Variants in TOX2 observed in about 807,000 individuals in gnomAD.
TOX2 encodes granulosa cell HMG box 1.
TOX2 carries 15 observed loss-of-function variants against 47.4 expected under a neutral mutation model. That is an observed-to-expected ratio of 0.32 (90% CI 0.21 to 0.49). The LOEUF is 0.49. Among genes scored for constraint, TOX2 ranks in the 20% least tolerant of loss-of-function variants. The probability of loss-of-function intolerance (pLI) is 0.99; values close to 1 mark genes in which losing one functional copy is unlikely to be tolerated. For missense variants in TOX2, 622 were observed against 673.1 expected (o/e 0.92, Z 0.84); for synonymous variants, 290 against 296.6 (o/e 0.98, Z 0.23).
chr20:43,991,169 G>A (rs1219116595), intron 2 of TOX2, among the ~76,000 whole-genome samples: 2 of 152,204 alleles, frequency 1.3e-5, no homozygotes, highest in African/African-American at 4.8e-5. Context: ...CCTGTCAGAG[G>A]TAGGGGCTCA....
At chr20:43,917,338 G>T (rs1295444993) in intron 1 of TOX2, among the ~76,000 whole-genome samples, 1 of 152,128 alleles carries the variant, frequency 6.6e-6, no homozygotes, top group Non-Finnish European at 1.5e-5. Flanking sequence ...GGTTGGGGAG[G>T]GAAATGCCCA....
At chr20:44,041,576 C>T in intron 3 of TOX2, among the ~76,000 whole-genome samples, 1 of 152,124 alleles carries the variant, frequency 6.6e-6, no homozygotes, top group Non-Finnish European at 1.5e-5. Flanking sequence ...CTGTGAGACC[C>T]TGAAGTGCGG....
At chr20:43,926,381 G>C (rs992580646) in intron 1 of TOX2, among the ~76,000 whole-genome samples, 1 of 152,094 alleles carries the variant, frequency 6.6e-6, no homozygotes, top group Non-Finnish European at 1.5e-5. Flanking sequence ...GAAGTGCCTG[G>C]GTTCGTATCC....
intron 1 of TOX2, among the ~76,000 whole-genome samples, chr20:43,939,830 A>T (rs2069378202): frequency 6.6e-6 from 1 of 152,182 alleles, no homozygotes; most frequent in Admixed American, 6.5e-5. Flanking sequence ...CACAGAGTAG[A>T]TGCTTACTAA....
intron 3 of TOX2, among the ~76,000 whole-genome samples, chr20:44,036,332 A>G (rs2071239096): frequency 6.6e-6 from 1 of 152,172 alleles, no homozygotes; most frequent in South Asian, 2.1e-4. Flanking sequence ...GGGTGCAGCA[A>G]TGGGGTAGGG....
At chr20:43,926,902 G>A (rs534888674) in intron 1 of TOX2, among the ~76,000 whole-genome samples, 1 of 152,312 alleles carries the variant, frequency 6.6e-6, no homozygotes, top group East Asian at 1.9e-4. Flanking sequence ...AGTGGTCCAC[G>A]AAGGTGGCCA....
At chr20:43,999,167 A>G (rs996211104) in intron 2 of TOX2, among the ~76,000 whole-genome samples, 3 of 152,246 alleles carry the variant, frequency 2.0e-5, no homozygotes, top group African/African-American at 7.2e-5. Context: ...TAATAAAGCA[A>G]TTGAAATCAT....
At chr20:43,976,483 A>G (rs1371208139) in intron 2 of TOX2, among the ~76,000 whole-genome samples, 1 of 152,184 alleles carries the variant, frequency 6.6e-6, no homozygotes, top group African/African-American at 2.4e-5. Context: ...AACACATTCT[A>G]TTGGTCAAAG....
At chr20:44,046,392 C>T (rs560554640) in intron 3 of TOX2, among the ~76,000 whole-genome samples, 2 of 152,232 alleles carry the variant, frequency 1.3e-5, no homozygotes, top group Non-Finnish European at 2.9e-5. Flanking sequence ...TTGTGGAAAA[C>T]AGTATGGTGG....
chr20:43,927,640 C>CT (rs1469471579), intron 1 of TOX2, among the ~76,000 whole-genome samples: 56 of 127,932 alleles, frequency 4.4e-4, no homozygotes, highest in East Asian at 2.5e-3. Flanking sequence ...TCCTTCCTTC[C>CT]TCCCCTTCCC....
rs1252020526 is a variant in TOX2, at chr20:44,066,846, C to T, written c.1473C>T (p.Ile491=). 6.2e-7 allele frequency: 1 copy of T among 1,613,754 alleles called. No homozygotes were observed. Among genetic ancestry groups the T allele is most frequent in the Admixed American group, 1.7e-5 (1 of 59,994 alleles). ...DSSYPSGECG[I]STCSLLPRDK... ...GCTACCCCAGTGGGGAGTGTGGCAT[C>T]AGCACCTGCAGGTTAGTCCTCGCCC... is the stretch of plus-strand genomic sequence containing the variant. Residue 491 remains isoleucine, a synonymous_variant, in exon 8 of 9, where the codon ATC becomes ATT. Transcript: ENST00000341197.
At chr20:43,951,644 T>G (rs557125885) in intron 1 of TOX2, among the ~76,000 whole-genome samples, 2 of 150,052 alleles carry the variant, frequency 1.3e-5, no homozygotes, top group East Asian at 4.0e-4. Context: ...ACATGCAATA[T>G]AGATAAAGTG....
intron 1 of TOX2, among the ~76,000 whole-genome samples, chr20:43,951,707 G>GTTTTTTTTTTTTTGTTTTTTT (rs2069572193): frequency 1.8e-5 from 1 of 55,098 alleles, no homozygotes; most frequent in Non-Finnish European, 3.9e-5. Context: ...AACTTATTAT[G>GTTTTTTTTTTTTTGTTTTTTT]TTTTTTTTTT....
chr20:43,947,032 C>T (rs2069485709), intron 1 of TOX2, among the ~76,000 whole-genome samples: 1 of 152,218 alleles, frequency 6.6e-6, no homozygotes, highest in Non-Finnish European at 1.5e-5. Context: ...GCTTCTGTGC[C>T]TCCTGGGATG....
At chr20:43,981,422 T>C (rs999512965) in intron 2 of TOX2, among the ~76,000 whole-genome samples, 2 of 152,236 alleles carry the variant, frequency 1.3e-5, no homozygotes, top group Admixed American at 1.3e-4. Flanking sequence ...GTGATAAGAA[T>C]GTATATTTCT....
chr20:44,034,157 A>C (rs945324175), intron 3 of TOX2, among the ~76,000 whole-genome samples: 1 of 151,970 alleles, frequency 6.6e-6, no homozygotes, highest in Non-Finnish European at 1.5e-5. Flanking sequence ...CCCATGCCTC[A>C]GTGCCTTTGC....
Position 44,029,593 on chromosome 20 carries a change from C to G in TOX2, c.412-21713C>G, listed in dbSNP as rs1033085522. On this transcript the variant is annotated intron_variant, in intron 3 of 8. Coordinates refer to ENST00000341197, the MANE Select transcript of TOX2 (RefSeq NM_001098797.2). ...CTTGACCCCCAAAATGAGAACATGG[C>G]CTGTGAGTGGCAAACCCATGTTCCA... Among the ~76,000 whole-genome samples the G allele has an allele frequency of 2.6e-5, 4 of 152,158 alleles. 1 individual carries two copies. The highest frequency in any genetic ancestry group is 6.5e-5 in the Admixed American group (1 of 15,282).
At chr20:43,928,500 C>T (rs906698172) in intron 1 of TOX2, among the ~76,000 whole-genome samples, 7 of 152,200 alleles carry the variant, frequency 4.6e-5, no homozygotes, top group East Asian at 1.9e-4. Flanking sequence ...GTCTGCATGC[C>T]GACCTGGATT....
intron 1 of TOX2, among the ~76,000 whole-genome samples, chr20:43,924,971 AT>A (rs1407278624): frequency 4.6e-5 from 7 of 152,000 alleles, no homozygotes; most frequent in African/African-American, 1.7e-4. Context: ...CTTTTAATAC[AT>A]TCGTTGTTTT....
Sources: allele counts gnomAD v4.1 joint callset (sites outside exome capture counted in the v4.1 genomes callset), GRCh38; gene constraint gnomAD v4.1.1; transcripts MANE v1.5; gene names NCBI Gene and HGNC (gene_info 2026-07-23, HGNC 2026-07-21).